Variants in CLASP2 observed in about 807,000 individuals in gnomAD.
The protein encoded by CLASP2 is cytoplasmic linker associated protein 2, also known as CLIP-associating protein 2.
Under a neutral mutation model 194.4 loss-of-function variants are expected in CLASP2, and 47 were observed. The observed-to-expected ratio is 0.24, with a 90% CI of 0.19 to 0.31. CLASP2 has a LOEUF of 0.31. Among genes scored for constraint, CLASP2 ranks in the 10% least tolerant of loss-of-function variants. The probability of loss-of-function intolerance (pLI) is 1.00; values close to 1 mark genes in which losing one functional copy is unlikely to be tolerated. For missense variants in CLASP2, 1,445 were observed against 1,823.6 expected (o/e 0.79, Z 3.78); for synonymous variants, 619 against 633.5 (o/e 0.98, Z 0.34).
At chr3:33,612,944 C>CAAT (rs1308614916) in intron 12 of CLASP2, among the ~76,000 whole-genome samples, 1 of 151,896 alleles carries the variant, frequency 6.6e-6, no homozygotes, top group Non-Finnish European at 1.5e-5. Context: ...AGAGTTAGAA[C>CAAT]AATAAGATCT....
At chr3:33,586,385 G>A (rs989998114) in intron 21 of CLASP2, among the ~76,000 whole-genome samples, 1 of 151,958 alleles carries the variant, frequency 6.6e-6, no homozygotes, top group Admixed American at 6.6e-5. Context: ...TGCCTGCCTC[G>A]GCCTACCAAA....
intron 27 of CLASP2, among the ~76,000 whole-genome samples, chr3:33,562,688 T>G (rs1334503380): frequency 6.6e-6 from 1 of 152,186 alleles, no homozygotes; most frequent in Non-Finnish European, 1.5e-5. Context: ...GTTTCAACAC[T>G]TGTCTATGCT....
intron 24 of CLASP2, among the ~76,000 whole-genome samples, chr3:33,573,891 G>C (rs2064275543): frequency 6.6e-6 from 1 of 151,978 alleles, no homozygotes; most frequent in Admixed American, 6.6e-5. Context: ...GTCTCCTAGA[G>C]AAATAAAATA....
At chr3:33,573,067 C>T (rs368552577) in intron 25 of CLASP2, 43 bp downstream of exon 25, 152 of 1,608,162 alleles carry the variant, frequency 9.5e-5, no homozygotes, top group Middle Eastern at 5.0e-4. Flanking sequence ...AATCAAAAAG[C>T]GCTAACCTGA....
intron 7 of CLASP2, among the ~76,000 whole-genome samples, chr3:33,654,032 C>CAA (rs11456253): frequency 0.029 from 3,402 of 118,650 alleles, 150 homozygotes; most frequent in African/African-American, 0.095. Context: ...TCTGAACTGT[C>CAA]AAAAAAAAAA....
intron 37 of CLASP2, chr3:33,502,871 C>T (rs186139312): frequency 2.0e-5 from 3 of 152,138 alleles, no homozygotes; most frequent in Admixed American, 1.3e-4. Flanking sequence ...AATATAATTG[C>T]AATTATAATG....
intron 6 of CLASP2, among the ~76,000 whole-genome samples, chr3:33,672,665 A>C (rs1211355233): frequency 6.6e-6 from 1 of 152,222 alleles, no homozygotes; most frequent in Admixed American, 6.5e-5. Flanking sequence ...GGAAATTCAA[A>C]CCAAAGGCAA....
intron 1 of CLASP2, among the ~76,000 whole-genome samples, chr3:33,699,749 A>G (rs1216677166): frequency 6.6e-6 from 1 of 152,084 alleles, no homozygotes. Flanking sequence ...ACAATATACT[A>G]TAACAAAAGT....
chr3:33,689,717 C>G (rs1336065183), intron 3 of CLASP2, 112 bp downstream of exon 3: 1 of 635,754 alleles, frequency 1.6e-6, no homozygotes, highest in African/African-American at 1.9e-5. Context: ...AACTTCTTAA[C>G]AGTATTAGCA....
chr3:33,715,378 GTATTCCC>G (rs1037706384), intron 1 of CLASP2, among the ~76,000 whole-genome samples: 2 of 152,108 alleles, frequency 1.3e-5, no homozygotes, highest in African/African-American at 4.8e-5. Flanking sequence ...ATCTTGCCTA[GTATTCCC>G]TATTCCCTTC....
chr3:33,522,957 T>C (rs2053565843), intron 34 of CLASP2, among the ~76,000 whole-genome samples: 1 of 152,114 alleles, frequency 6.6e-6, no homozygotes, highest in African/African-American at 2.4e-5. Flanking sequence ...GCGCTTGTAG[T>C]CCCAGCTGCT....
chr3:33,695,063 GTT>G (rs373103110), intron 2 of CLASP2, among the ~76,000 whole-genome samples: 1 of 140,216 alleles, frequency 7.1e-6, no homozygotes. Flanking sequence ...ATCTACTATA[GTT>G]TTTTTTTTTT....
At chr3:33,533,784 G>A (rs1018758464) in intron 34 of CLASP2, among the ~76,000 whole-genome samples, 1 of 152,014 alleles carries the variant, frequency 6.6e-6, no homozygotes, top group African/African-American at 2.4e-5. Context: ...GTGCAATCTC[G>A]GTTCACTGAA....
chr3:33,639,323 GC>G (rs1483463486), intron 8 of CLASP2, among the ~76,000 whole-genome samples: 1 of 152,150 alleles, frequency 6.6e-6, no homozygotes, highest in Non-Finnish European at 1.5e-5. Context: ...CTCCCCAAGT[GC>G]TGGTATTACA....
At chr3:33,539,494 C>G (rs2057965623) in intron 32 of CLASP2, among the ~76,000 whole-genome samples, 1 of 152,034 alleles carries the variant, frequency 6.6e-6, no homozygotes, top group South Asian at 2.1e-4. Context: ...GCCACCACAC[C>G]TGGCTAATTT....
intron 2 of CLASP2, among the ~76,000 whole-genome samples, chr3:33,690,284 C>T (rs1239751686): frequency 6.6e-6 from 1 of 152,162 alleles, no homozygotes; most frequent in Non-Finnish European, 1.5e-5. Context: ...AATTATCTTC[C>T]TGTAATCCCT....
At chr3:33,550,372 G>C (rs1284505011) in intron 30 of CLASP2, among the ~76,000 whole-genome samples, 1 of 135,210 alleles carries the variant, frequency 7.4e-6, no homozygotes, top group Non-Finnish European at 1.5e-5. Context: ...TCCAGCCTGG[G>C]TGAAAAAGCG....
rs1164692932 is a variant in CLASP2 at position 33,644,554 on chromosome 3, C to G, written c.862+203G>C. On this transcript the variant is annotated intron_variant, in intron 8 of 38. Coordinates refer to ENST00000682230, the MANE Select transcript of CLASP2 (RefSeq NM_001365631.1). Reference sequence around the variant, plus strand: ...ATACCCTCAAGAAGAGACTAATTCACATACATTCTTAGAGGAAATAGCAGT... The same window carrying G: ...ATACCCTCAAGAAGAGACTAATTCAGATACATTCTTAGAGGAAATAGCAGT... 4 of 609,416 alleles carry G rather than the reference C, an allele frequency of 6.6e-6. No individual in the cohort carries two copies. The African/African-American group carries it at 7.4e-5, about 11-fold the overall frequency. 37.8% of individuals were successfully genotyped at this position (609,416 alleles called of 1,614,324 possible).
intron 25 of CLASP2, among the ~76,000 whole-genome samples, chr3:33,571,246 C>T (rs2063709059): frequency 6.7e-6 from 1 of 149,834 alleles, no homozygotes; most frequent in South Asian, 2.2e-4. Flanking sequence ...ATCTCCTGAC[C>T]TCATGATCCG....
Sources: allele counts gnomAD v4.1 joint callset (sites outside exome capture counted in the v4.1 genomes callset), GRCh38; gene constraint gnomAD v4.1.1; transcripts MANE v1.5; gene names NCBI Gene and HGNC (gene_info 2026-07-23, HGNC 2026-07-21).